LRMDA: variants seen among roughly 807,000 people sequenced by gnomAD.
LRMDA encodes leucine rich melanocyte differentiation associated.
A neutral mutation model predicts 29.8 loss-of-function variants in LRMDA; 18 were observed. The observed-to-expected ratio is 0.60, with a 90% CI of 0.42 to 0.90. The LOEUF is 0.90. Ranked by LOEUF, LRMDA falls within the 40% of genes least tolerant of loss-of-function variation. LRMDA has a pLI of 0.00. For missense variants in LRMDA, 273 were observed against 273.9 expected, an observed-to-expected ratio of 1.00 and a Z score of 0.02; for synonymous variants, 125 against 109.4, an observed-to-expected ratio of 1.14 and a Z score of -0.89.
At position 76,231,818 on chromosome 10, in the gene LRMDA, G is replaced by C. The variant is rs1450257340; in HGVS notation, c.517-92583G>C. Among the ~76,000 whole-genome samples the C allele has an allele frequency of 6.6e-5, 10 of 152,116 alleles. No individual in the cohort carries two copies. The East Asian group carries it at 1.9e-3, about 29-fold the overall frequency. On this transcript the variant is annotated intron_variant, in intron 5 of 6. Transcript: ENST00000611255. ...AGAGGTTGGATTATTTACATTAAGG[G>C]CATATCCACAAAATCTCACACACAG...
At chr10:75,987,362 T>C (rs1847278381) in intron 2 of LRMDA, among the ~76,000 whole-genome samples, 1 of 152,202 alleles carries the variant, frequency 6.6e-6, no homozygotes. Context: ...AGAGTTATCC[T>C]GAGCACTGCA....
At chr10:76,069,693 G>A (rs961465374) in intron 5 of LRMDA, among the ~76,000 whole-genome samples, 1 of 151,336 alleles carries the variant, frequency 6.6e-6, no homozygotes, top group Non-Finnish European at 1.5e-5. Flanking sequence ...TTAGAAGTGA[G>A]TCACCTCTTC....
intron 2 of LRMDA, among the ~76,000 whole-genome samples, chr10:75,538,188 T>A (rs778107813): frequency 6.6e-6 from 1 of 152,166 alleles, no homozygotes; most frequent in Non-Finnish European, 1.5e-5. Context: ...GGCCGCTGCA[T>A]CGAAGGGGAG....
chr10:75,820,040 T>G (rs2132279948), intron 2 of LRMDA, among the ~76,000 whole-genome samples: 2 of 152,242 alleles, frequency 1.3e-5, no homozygotes, highest in African/African-American at 4.8e-5. Context: ...TACAAAAAGA[T>G]GTAGAACCAA....
intron 2 of LRMDA, among the ~76,000 whole-genome samples, chr10:75,746,326 G>T (rs1842890280): frequency 6.6e-6 from 1 of 152,176 alleles, no homozygotes; most frequent in African/African-American, 2.4e-5. Context: ...CTGCAAACTA[G>T]TTTGGTGGTC....
chr10:76,466,295 G>C (rs939812197), intron 6 of LRMDA, among the ~76,000 whole-genome samples: 68 of 152,130 alleles, frequency 4.5e-4, no homozygotes, highest in Admixed American at 4.5e-3. Flanking sequence ...ATGAGGGGTA[G>C]ACAAACAGAC....
chr10:75,827,592 C>T (rs1402370747), intron 2 of LRMDA, among the ~76,000 whole-genome samples: 1 of 152,166 alleles, frequency 6.6e-6, no homozygotes, highest in East Asian at 1.9e-4. Context: ...CTGCTCAGTA[C>T]AAGGGTTAGT....
At chr10:76,482,304 CTAAAT>C (rs1402788892) in intron 6 of LRMDA, among the ~76,000 whole-genome samples, 1 of 151,906 alleles carries the variant, frequency 6.6e-6, no homozygotes, top group Non-Finnish European at 1.5e-5. Context: ...CAACCAGTAA[CTAAAT>C]TATTCGCACA....
At chr10:76,457,321 A>G (rs1842466377) in intron 6 of LRMDA, among the ~76,000 whole-genome samples, 1 of 152,190 alleles carries the variant, frequency 6.6e-6, no homozygotes, top group Non-Finnish European at 1.5e-5. Context: ...TAGCCCCCAA[A>G]TCAATATTCA....
intron 5 of LRMDA, among the ~76,000 whole-genome samples, chr10:76,284,388 C>A (rs2132338286): frequency 6.6e-6 from 1 of 152,180 alleles, no homozygotes; most frequent in African/African-American, 2.4e-5. Flanking sequence ...AGACAGGGAA[C>A]ACAGGCAGCC....
At chr10:76,040,222 C>T (rs897794889) in intron 3 of LRMDA, among the ~76,000 whole-genome samples, 14 of 152,154 alleles carry the variant, frequency 9.2e-5, no homozygotes, top group African/African-American at 3.1e-4. Context: ...CCTGAGCCTG[C>T]CTCTGCAAGG....
intron 5 of LRMDA, among the ~76,000 whole-genome samples, chr10:76,264,577 A>ATTCAGCACTACAGATTT (rs1180416017): frequency 1.9e-4 from 29 of 152,156 alleles, no homozygotes; most frequent in African/African-American, 6.5e-4. Flanking sequence ...TGTTTGCCCA[A>ATTCAGCACTACAGATTT]TTCAGCACTA....
chr10:75,467,956 TCACACACACA>T (rs61295526), intron 2 of LRMDA, among the ~76,000 whole-genome samples: 33 of 130,056 alleles, frequency 2.5e-4, no homozygotes, highest in East Asian at 1.4e-3. Context: ...TGAGACTCCG[TCACACACACA>T]CACACACACA....
intron 2 of LRMDA, among the ~76,000 whole-genome samples, chr10:75,929,256 A>G (rs940114359): frequency 6.6e-5 from 10 of 152,094 alleles, no homozygotes; most frequent in African/African-American, 2.2e-4. Context: ...GCCTGTATAC[A>G]TGTGTAAGTG....
chr10:75,670,529 C>T, intron 2 of LRMDA, among the ~76,000 whole-genome samples: 1 of 152,132 alleles, frequency 6.6e-6, no homozygotes, highest in Non-Finnish European at 1.5e-5. Context: ...GATGAGAATG[C>T]ATGTAGATGG....
chr10:76,122,947 T>A (rs1185567632), intron 5 of LRMDA, among the ~76,000 whole-genome samples: 3 of 152,190 alleles, frequency 2.0e-5, no homozygotes, highest in Non-Finnish European at 2.9e-5. Context: ...ACCTCTGTTA[T>A]GTCTCCTGGA....
intron 2 of LRMDA, among the ~76,000 whole-genome samples, chr10:75,931,727 T>C (rs1316723817): frequency 1.3e-5 from 2 of 152,216 alleles, no homozygotes; most frequent in Non-Finnish European, 2.9e-5. Context: ...CTACTGATGC[T>C]TGGAACAGCC....
intron 5 of LRMDA, among the ~76,000 whole-genome samples, chr10:76,143,154 G>C (rs530744944): frequency 2.0e-5 from 3 of 152,096 alleles, no homozygotes; most frequent in Non-Finnish European, 4.4e-5. Flanking sequence ...GTAAACATAC[G>C]TGTGCATGTG....
chr10:75,981,821 C>T (rs7069257), intron 2 of LRMDA, among the ~76,000 whole-genome samples: 10,152 of 148,136 alleles, frequency 0.069, 1,106 homozygotes, highest in African/African-American at 0.23. Flanking sequence ...CACTGCACTC[C>T]GGCCTGGCGA....
Sources: allele counts gnomAD v4.1 joint callset (sites outside exome capture counted in the v4.1 genomes callset), GRCh38; gene constraint gnomAD v4.1.1; transcripts MANE v1.5; gene names NCBI Gene and HGNC (gene_info 2026-07-23, HGNC 2026-07-21).